The following RBFOX1 variants were observed in gnomAD, a reference collection of about 807,000 sequenced individuals.
The protein encoded by RBFOX1 is RNA binding fox-1 homolog 1, also known as RNA binding protein fox-1 homolog 1.
Under a neutral mutation model 57.7 loss-of-function variants are expected in RBFOX1, and 8 were observed. That is an observed-to-expected ratio of 0.14 (90% confidence interval 0.08 to 0.25). The LOEUF (loss-of-function observed/expected upper bound fraction) is 0.25, where lower values mean the gene tolerates loss of function less well. RBFOX1 is among the 10% of genes least tolerant of loss of function. The pLI, the probability that RBFOX1 is intolerant of heterozygous loss-of-function variation, is 1.00. For synonymous variants in RBFOX1, 326 were observed against 222.4 expected (o/e 1.47, Z -4.15); for missense variants, 611 against 548.5 (o/e 1.11, Z -1.14).
intron 4 of RBFOX1, among the ~76,000 whole-genome samples, chr16:7,371,966 CT>C (rs148559101): frequency 7.3e-5 from 11 of 150,842 alleles, no homozygotes; most frequent in Admixed American, 3.3e-4. Context: ...CCCTTAATTC[CT>C]TTTTTTTTCC....
intron 1 of RBFOX1, chr16:5,270,743 A>G (rs1422616058): frequency 2.1e-6 from 1 of 478,404 alleles, no homozygotes; most frequent in African/African-American, 2.0e-5. Flanking sequence ...TTGATACCAG[A>G]TAACATCGGA....
At chr16:5,596,059 G>T (rs1380750600) in intron 2 of RBFOX1, among the ~76,000 whole-genome samples, 1 of 152,136 alleles carries the variant, frequency 6.6e-6, no homozygotes, top group Non-Finnish European at 1.5e-5. Flanking sequence ...AGCTAAAGAG[G>T]ACACCAGGCC....
intron 7 of RBFOX1, among the ~76,000 whole-genome samples, chr16:7,590,606 T>C (rs2094391539): frequency 6.6e-6 from 1 of 152,088 alleles, no homozygotes; most frequent in Admixed American, 6.5e-5. Flanking sequence ...ACTCTTGTAA[T>C]CCCAGCACTT....
chr16:7,515,869 GA>G (rs2076241992), intron 4 of RBFOX1, among the ~76,000 whole-genome samples: 1 of 152,000 alleles, frequency 6.6e-6, no homozygotes, highest in South Asian at 2.1e-4. Context: ...TGTTGAGACG[GA>G]ATCTTGCTCT....
chr16:6,529,426 G>C (rs1043188290), intron 2 of RBFOX1, among the ~76,000 whole-genome samples: 1 of 151,936 alleles, frequency 6.6e-6, no homozygotes, highest in African/African-American at 2.4e-5. Context: ...GGGTGTGGTG[G>C]CACACACCTG....
At position 5,756,223 on chromosome 16, in the gene RBFOX1, CAAAAAAA is replaced by C. The variant is rs5815266; in HGVS notation, c.319-111061_319-111055del. On this transcript the variant is annotated intron_variant, in intron 3 of 19. Coordinates refer to the RBFOX1 transcript ENST00000641259. Reference sequence around the variant, plus strand: ...CCCCTTCTTACATCTTCCACATAAGCAAAAAAAAAAAAAAAAAAAAAAAAACCCTGCA... The same window carrying C: ...CCCCTTCTTACATCTTCCACATAAGCAAAAAAAAAAAAAAAAAACCCTGCA... Among the ~76,000 whole-genome samples, 31 of 50,956 alleles carry C rather than the reference CAAAAAAA, an allele frequency of 6.1e-4. No homozygotes were observed. In the South Asian group the frequency reaches 0.037, roughly 60 times the overall value. 33.4% of individuals were successfully genotyped at this position (50,956 alleles called of 152,430 possible).
intron 2 of RBFOX1, among the ~76,000 whole-genome samples, chr16:6,634,720 A>AACACAAG: frequency 7.1e-6 from 1 of 140,648 alleles, no homozygotes; most frequent in Non-Finnish European, 1.5e-5. Context: ...TTAAATATAT[A>AACACAAG]ATACAAAGAT....
intron 11 of RBFOX1, among the ~76,000 whole-genome samples, chr16:7,634,391 T>TTG (rs1451665965): frequency 6.6e-6 from 1 of 151,986 alleles, no homozygotes; most frequent in Non-Finnish European, 1.5e-5. Context: ...GATGTTTGTT[T>TTG]TTTTTTTTCG....
intron 1 of RBFOX1, among the ~76,000 whole-genome samples, chr16:6,248,913 G>C (rs921151947): frequency 6.6e-6 from 1 of 152,182 alleles, no homozygotes; most frequent in Non-Finnish European, 1.5e-5. Flanking sequence ...AGCATTTGCT[G>C]TTATTACTTG....
intron 4 of RBFOX1, among the ~76,000 whole-genome samples, chr16:7,149,160 T>C (rs2075632437): frequency 6.6e-6 from 1 of 152,210 alleles, no homozygotes; most frequent in Non-Finnish European, 1.5e-5. Flanking sequence ...AATCATTTCC[T>C]ACTGCCCAGT....
intron 4 of RBFOX1, among the ~76,000 whole-genome samples, chr16:7,198,124 G>A (rs1268014986): frequency 2.7e-5 from 4 of 145,894 alleles, no homozygotes; most frequent in Admixed American, 2.1e-4. Flanking sequence ...TCCTGCCTCA[G>A]CCTCCCAAGT....
At chr16:5,569,015 A>G (rs1031628778) in intron 2 of RBFOX1, among the ~76,000 whole-genome samples, 2 of 139,504 alleles carry the variant, frequency 1.4e-5, no homozygotes, top group African/African-American at 5.2e-5. Context: ...TAATTTTTGT[A>G]TTTTTTTTTT....
chr16:7,304,745 C>T (rs2096131151), intron 4 of RBFOX1, among the ~76,000 whole-genome samples: 1 of 152,182 alleles, frequency 6.6e-6, no homozygotes, highest in Non-Finnish European at 1.5e-5. Context: ...TGGAAAACTG[C>T]CTTTTCCTTG....
chr16:6,637,802 C>G (rs2098457803), intron 2 of RBFOX1, among the ~76,000 whole-genome samples: 1 of 151,820 alleles, frequency 6.6e-6, no homozygotes. Context: ...GCAGGATATT[C>G]CATGGTCTCC....
intron 2 of RBFOX1, among the ~76,000 whole-genome samples, chr16:6,602,775 C>G (rs1396709383): frequency 6.6e-6 from 1 of 152,118 alleles, no homozygotes; most frequent in Admixed American, 6.6e-5. Context: ...ATTCCTCTTG[C>G]TATCATTTAG....
intron 1 of RBFOX1, among the ~76,000 whole-genome samples, chr16:5,242,065 C>T (rs2049698): frequency 8.6e-5 from 13 of 151,940 alleles, no homozygotes; most frequent in Admixed American, 5.9e-4. Flanking sequence ...AGTGAGCTGT[C>T]ATCATGCCAC....
chr16:5,603,939 A>G (rs1287274837), downstream of RBFOX1, among the ~76,000 whole-genome samples: 1 of 148,072 alleles, frequency 6.8e-6, no homozygotes, highest in African/African-American at 2.5e-5. Context: ...ATACCCTCCT[A>G]TACCCAAGGC....
chr16:5,957,640 C>G (rs2059671296), intron 4 of RBFOX1, among the ~76,000 whole-genome samples: 1 of 152,120 alleles, frequency 6.6e-6, no homozygotes, highest in South Asian at 2.1e-4. Context: ...GATGGGCAGC[C>G]TCGTTTTATT....
At chr16:5,589,497 G>C (rs2046938032) in intron 2 of RBFOX1, among the ~76,000 whole-genome samples, 1 of 152,168 alleles carries the variant, frequency 6.6e-6, no homozygotes, top group Admixed American at 6.5e-5. Flanking sequence ...TCAGAGGATA[G>C]AAGGTAAGTA....
Sources: allele counts gnomAD v4.1 joint callset (sites outside exome capture counted in the v4.1 genomes callset), GRCh38; gene constraint gnomAD v4.1.1; transcripts MANE v1.5; gene names NCBI Gene and HGNC (gene_info 2026-07-23, HGNC 2026-07-21).